Variants in MARCHF1 observed in about 807,000 individuals in gnomAD.
MARCHF1 encodes the protein membrane associated ring-CH-type finger 1.
MARCHF1 carries 40 observed loss-of-function variants against 54.2 expected under a neutral mutation model. The ratio of observed to expected loss-of-function variants is 0.74; its 90% CI spans 0.57 to 0.96. The LOEUF (loss-of-function observed/expected upper bound fraction) is 0.96. MARCHF1 is among the 40% of genes least tolerant of loss of function. The pLI, the probability that MARCHF1 is intolerant of heterozygous loss-of-function variation, is 0.00. For missense variants in MARCHF1, 586 were observed against 656.5 expected (o/e 0.89, Z 1.17); for synonymous variants, 236 against 236.3 (o/e 1.00, Z 0.01).
chr4:163,621,816 C>A (rs191503945), intron 5 of MARCHF1, among the ~76,000 whole-genome samples: 106 of 152,126 alleles, frequency 7.0e-4, no homozygotes, highest in Non-Finnish European at 1.2e-4. Context: ...GTGGTTTGGG[C>A]AGAGGGTGTG....
chr4:164,011,397 A>C (rs200943946), intron 2 of MARCHF1, among the ~76,000 whole-genome samples: 97 of 536 alleles, frequency 0.18, no homozygotes, highest in Non-Finnish European at 0.5. Flanking sequence ...ACCATAATAT[A>C]ATGAAAAGCT....
At chr4:163,637,251 C>T (rs1454597254) in intron 5 of MARCHF1, among the ~76,000 whole-genome samples, 2 of 152,122 alleles carry the variant, frequency 1.3e-5, no homozygotes, top group Non-Finnish European at 2.9e-5. Context: ...CAAATGGGAT[C>T]TCATTAAACT....
Position 164,165,165 on chromosome 4 carries a change from C to T in MARCHF1, c.-322-53503G>A, listed in dbSNP as rs191935178. Among the ~76,000 whole-genome samples the T allele has an allele frequency of 3.2e-4, 49 of 151,840 alleles. No individual in the cohort carries two copies. In the East Asian group the frequency reaches 8.3e-3, roughly 26 times the overall value. On this transcript the variant is annotated intron_variant, in intron 1 of 9. Coordinates refer to ENST00000514618, the MANE Select transcript of MARCHF1 (RefSeq NM_001394959.1). Reference sequence around the variant, plus strand: ...CCATTTTTCTAGTAAAAGCTCTGACCCAGAGACAATATTATATCTATTGTT... The same window carrying T: ...CCATTTTTCTAGTAAAAGCTCTGACTCAGAGACAATATTATATCTATTGTT...
intron 3 of MARCHF1, among the ~76,000 whole-genome samples, chr4:163,956,558 C>A (rs1466529276): frequency 1.3e-5 from 2 of 151,920 alleles, no homozygotes; most frequent in Non-Finnish European, 2.9e-5. Context: ...AAGATGATAC[C>A]AGGTGGAACA....
At chr4:164,171,600 CCA>C (rs1489236863) in intron 1 of MARCHF1, among the ~76,000 whole-genome samples, 1 of 151,624 alleles carries the variant, frequency 6.6e-6, no homozygotes, top group Non-Finnish European at 1.5e-5. Context: ...ATTATTTTTT[CCA>C]AAGGTTATTA....
chr4:164,009,104 A>G (rs1303724604), intron 2 of MARCHF1, among the ~76,000 whole-genome samples: 2 of 152,062 alleles, frequency 1.3e-5, no homozygotes, highest in Non-Finnish European at 2.9e-5. Flanking sequence ...AATAAATAAT[A>G]TCAAAAACAT....
chr4:164,305,324 G>A (rs1734669221), intron 1 of MARCHF1, among the ~76,000 whole-genome samples: 1 of 152,160 alleles, frequency 6.6e-6, no homozygotes, highest in Non-Finnish European at 1.5e-5. Context: ...ATTAACTGTT[G>A]AGTAGTGAGT....
intron 4 of MARCHF1, among the ~76,000 whole-genome samples, chr4:163,761,198 G>A (rs1746816994): frequency 1.3e-5 from 2 of 152,140 alleles, no homozygotes; most frequent in Admixed American, 6.5e-5. Context: ...ATATATACTT[G>A]TATATGAAGG....
chr4:163,788,288 A>G (rs1747676815), intron 4 of MARCHF1, among the ~76,000 whole-genome samples: 1 of 152,018 alleles, frequency 6.6e-6, no homozygotes, highest in South Asian at 2.1e-4. Context: ...TAGAAGTTAC[A>G]AAGATAATAC....
intron 1 of MARCHF1, among the ~76,000 whole-genome samples, chr4:164,275,411 CT>C (rs1733853772): frequency 6.6e-6 from 1 of 152,274 alleles, no homozygotes; most frequent in Admixed American, 6.5e-5. Context: ...GTCAACATTG[CT>C]GCACTTATTT....
chr4:164,357,252 C>T (rs563602414), intron 1 of MARCHF1, among the ~76,000 whole-genome samples: 1 of 152,148 alleles, frequency 6.6e-6, no homozygotes, highest in African/African-American at 2.4e-5. Flanking sequence ...TTTTTCGCGA[C>T]TGTGAGGGGA....
At chr4:163,898,566 T>G (rs555907354) in intron 3 of MARCHF1, among the ~76,000 whole-genome samples, 1 of 152,286 alleles carries the variant, frequency 6.6e-6, no homozygotes, top group South Asian at 2.1e-4. Context: ...GAAAAGGGAA[T>G]GCTTAAATAC....
chr4:163,646,890 G>A (rs867230378), intron 5 of MARCHF1, among the ~76,000 whole-genome samples: 8 of 151,982 alleles, frequency 5.3e-5, no homozygotes, highest in African/African-American at 1.9e-4. Context: ...TTACTAAAAT[G>A]GCAGTAGTAA....
chr4:164,257,940 G>A (rs886940462), intron 1 of MARCHF1, among the ~76,000 whole-genome samples: 15 of 152,154 alleles, frequency 9.9e-5, no homozygotes, highest in Admixed American at 9.2e-4. Context: ...CTATTATAAA[G>A]ACACATGCAC....
At chr4:163,713,597 G>A (rs1745171127) in intron 4 of MARCHF1, among the ~76,000 whole-genome samples, 1 of 152,152 alleles carries the variant, frequency 6.6e-6, no homozygotes, top group Non-Finnish European at 1.5e-5. Flanking sequence ...TCTACATACA[G>A]CCTGTATGCC....
At chr4:163,665,650 C>T (rs1055040032) in intron 5 of MARCHF1, among the ~76,000 whole-genome samples, 6 of 152,038 alleles carry the variant, frequency 3.9e-5, no homozygotes, top group Non-Finnish European at 7.4e-5. Context: ...CTTTATTCAT[C>T]GTCTTCCCTT....
At chr4:164,165,362 GTC>G (rs55721102) in intron 1 of MARCHF1, among the ~76,000 whole-genome samples, 434 of 147,122 alleles carry the variant, frequency 2.9e-3, no homozygotes, top group Non-Finnish European at 3.2e-3. Flanking sequence ...TTTTCTCTCT[GTC>G]TCTCTCTCTC....
chr4:164,225,741 A>G (rs1157460300), intron 1 of MARCHF1, among the ~76,000 whole-genome samples: 1 of 152,034 alleles, frequency 6.6e-6, no homozygotes, highest in East Asian at 1.9e-4. Flanking sequence ...ATTAATGGGA[A>G]TGCAAAATGG....
At chr4:163,893,005 T>C in intron 3 of MARCHF1, among the ~76,000 whole-genome samples, 1 of 151,690 alleles carries the variant, frequency 6.6e-6, no homozygotes, top group East Asian at 1.9e-4. Flanking sequence ...ACCCTGAACT[T>C]AGGCAAAACG....
Sources: allele counts gnomAD v4.1 joint callset (sites outside exome capture counted in the v4.1 genomes callset), GRCh38; gene constraint gnomAD v4.1.1; transcripts MANE v1.5; gene names NCBI Gene and HGNC (gene_info 2026-07-23, HGNC 2026-07-21).